The following NIBAN1 variants were observed in gnomAD, a reference collection of about 807,000 sequenced individuals.
The protein encoded by NIBAN1 is protein Niban 1.
NIBAN1 carries 81 observed loss-of-function variants against 75.1 expected under a neutral mutation model. The ratio of observed to expected loss-of-function variants is 1.08; its 90% CI spans 0.90 to 1.30. The LOEUF is 1.30. Ranked by LOEUF, NIBAN1 falls within the 50% of genes most tolerant of loss-of-function variation. The pLI, the probability that NIBAN1 is intolerant of heterozygous loss-of-function variation, is 0.00. For synonymous variants in NIBAN1, 436 were observed against 424.8 expected (o/e 1.03, Z -0.32); for missense variants, 1,133 against 1,128.1 (o/e 1.00, Z -0.06).
rs376957871 is a variant in NIBAN1, at chr1:184,793,500, G to A, written c.*1477C>T. 1.3e-5 allele frequency: 2 copies of A among 150,520 alleles called. No homozygotes were observed. The highest frequency in any genetic ancestry group is 2.1e-4 in the South Asian group (1 of 4,734). The allele number at this position is 150,520 out of a possible 1,614,324, so 9.3% of individuals were successfully genotyped here. A position where few individuals can be genotyped will look rare whatever the true frequency, so the allele number is the denominator to read the frequency against. On this transcript the variant is annotated 3_prime_UTR_variant, in exon 14 of 14. Coordinates refer to ENST00000367511, the MANE Select transcript of NIBAN1 (RefSeq NM_052966.4). ...GAACCCAGGAGGCGGAGGTTGCAGTGAGCCGAGATCACACCACTGCACTCC... is the reference window on the plus strand; with the variant it reads ...GAACCCAGGAGGCGGAGGTTGCAGTAAGCCGAGATCACACCACTGCACTCC...
chr1:184,812,401 G>A (rs1654407253), intron 9 of NIBAN1, among the ~76,000 whole-genome samples: 1 of 152,210 alleles, frequency 6.6e-6, no homozygotes, highest in Admixed American at 6.5e-5. Flanking sequence ...GCCCCCAGCA[G>A]GATGGTGCAG....
At chr1:184,829,464 C>CTTT (rs34475915) in intron 6 of NIBAN1, among the ~76,000 whole-genome samples, 2 of 129,054 alleles carry the variant, frequency 1.5e-5, no homozygotes, top group African/African-American at 5.9e-5. Flanking sequence ...TACATATATT[C>CTTT]TTTTTTTTTT....
chr1:184,956,923 T>C (rs1363892795), intron 1 of NIBAN1, among the ~76,000 whole-genome samples: 1 of 152,190 alleles, frequency 6.6e-6, no homozygotes, highest in African/African-American at 2.4e-5. Context: ...TTGATGTCTG[T>C]TTCAGCAGTT....
At chr1:184,799,381 T>G (rs1653967462) in intron 12 of NIBAN1, among the ~76,000 whole-genome samples, 1 of 148,350 alleles carries the variant, frequency 6.7e-6, no homozygotes, top group Non-Finnish European at 1.5e-5. Flanking sequence ...CTCATCATTT[T>G]TTATGGCTAC....
chr1:184,944,969 A>G (rs1303238009), intron 1 of NIBAN1, among the ~76,000 whole-genome samples: 1 of 152,236 alleles, frequency 6.6e-6, no homozygotes, highest in African/African-American at 2.4e-5. Flanking sequence ...ACACAGAGGC[A>G]TTCGAAAAAG....
chr1:184,896,108 CT>C (rs1656793866), intron 2 of NIBAN1, among the ~76,000 whole-genome samples: 1 of 152,062 alleles, frequency 6.6e-6, no homozygotes, highest in South Asian at 2.1e-4. Context: ...AATGATAGTT[CT>C]TTTTTAGTTA....
chr1:184,806,173 G>C, intron 10 of NIBAN1, 117 bp from the exon 11 acceptor site: 1 of 706,024 alleles, frequency 1.4e-6, no homozygotes, highest in Non-Finnish European at 2.4e-6. Context: ...CCCCTCGGCT[G>C]CTATTCGGTG....
At chr1:184,886,212 G>A (rs1656520730) in intron 4 of NIBAN1, among the ~76,000 whole-genome samples, 1 of 152,156 alleles carries the variant, frequency 6.6e-6, no homozygotes, top group African/African-American at 2.4e-5. Flanking sequence ...AGAGTTAGGT[G>A]CTTCCTACCC....
intron 1 of NIBAN1, among the ~76,000 whole-genome samples, chr1:184,919,471 G>A (rs1321327674): frequency 6.6e-6 from 1 of 152,180 alleles, no homozygotes; most frequent in Non-Finnish European, 1.5e-5. Context: ...AAAATACTTG[G>A]TTGGCTTAAT....
intron 5 of NIBAN1, among the ~76,000 whole-genome samples, chr1:184,843,162 CAACTAG>C (rs763383827): frequency 2.1e-4 from 32 of 152,326 alleles, no homozygotes; most frequent in Non-Finnish European, 4.0e-4. Context: ...CCATTCCAAA[CAACTAG>C]AACTCTACCC....
At chr1:184,932,278 AT>A (rs1218667022) in intron 1 of NIBAN1, among the ~76,000 whole-genome samples, 2 of 152,150 alleles carry the variant, frequency 1.3e-5, no homozygotes, top group African/African-American at 4.8e-5. Context: ...TAATGAAGTA[AT>A]TTTGCAACTC....
At chr1:184,808,644 AG>A (rs34997860) in intron 9 of NIBAN1, among the ~76,000 whole-genome samples, 1 of 152,178 alleles carries the variant, frequency 6.6e-6, no homozygotes, top group East Asian at 1.9e-4. Context: ...AAAAAACGCC[AG>A]GGAGGTCAGG....
At chr1:184,805,384 C>T (rs979319597) in intron 11 of NIBAN1, among the ~76,000 whole-genome samples, 1 of 152,180 alleles carries the variant, frequency 6.6e-6, no homozygotes, top group Admixed American at 6.5e-5. Flanking sequence ...AGTTAATGCA[C>T]AAGTTCTTGT....
chr1:184,824,914 T>C (rs1347103152), intron 6 of NIBAN1, among the ~76,000 whole-genome samples: 1 of 152,198 alleles, frequency 6.6e-6, no homozygotes, highest in Non-Finnish European at 1.5e-5. Context: ...TTGACACACA[T>C]AGCTACCTTG....
intron 1 of NIBAN1, among the ~76,000 whole-genome samples, chr1:184,946,651 G>C (rs747085133): frequency 1.3e-5 from 2 of 152,116 alleles, no homozygotes; most frequent in African/African-American, 2.4e-5. Context: ...CAAATTTATT[G>C]GAGAAATAAT....
chr1:184,927,258 T>C (rs1209555182), intron 1 of NIBAN1, among the ~76,000 whole-genome samples: 1 of 152,168 alleles, frequency 6.6e-6, no homozygotes, highest in Non-Finnish European at 1.5e-5. Flanking sequence ...TAGGTATTTA[T>C]TGTCATGTTC....
In NIBAN1 at chr1:184,823,150, G is replaced by A. The variant is rs1485303468; in HGVS notation, c.985+17C>T. 6.2e-7 allele frequency: 1 copy of A among 1,612,552 alleles called. No individual in the cohort carries two copies. Among genetic ancestry groups the A allele is most frequent in the Non-Finnish European group, 8.5e-7 (1 of 1,178,978 alleles). ...CAGCTTATTTAATTAGTAAGAGCAT[G>A]GATTATCTCTACTGACCTTTGATCT... On this transcript the variant is annotated intron_variant, in intron 8 of 13. Transcript: ENST00000367511.
chr1:184,794,936 T>C lies in NIBAN1; in HGVS notation c.*41A>G. 1.2e-6 allele frequency: 2 copies of C among 1,602,356 alleles called. No homozygotes were observed. Among genetic ancestry groups the C allele is most frequent in the Non-Finnish European group, 8.5e-7 (1 of 1,179,976 alleles). On this transcript the variant is annotated 3_prime_UTR_variant, in exon 14 of 14. Transcript: ENST00000367511. Reference sequence around the variant, plus strand: ...CCCCTAAGTGTACCCCTATAACCCTTTGGCTTTTTTCAGAGAAAGACTTCA... The same window carrying C: ...CCCCTAAGTGTACCCCTATAACCCTCTGGCTTTTTTCAGAGAAAGACTTCA...
intron 4 of NIBAN1, among the ~76,000 whole-genome samples, chr1:184,886,131 C>T (rs190246616): frequency 5.9e-5 from 9 of 152,270 alleles, no homozygotes; most frequent in Non-Finnish European, 1.0e-4. Flanking sequence ...TCTCATTCAT[C>T]CTTCAAAAGT....
Sources: gnomAD v4.1 joint callset for allele counts (sites outside exome capture counted in the v4.1 genomes callset) on GRCh38, gnomAD v4.1.1 for gene constraint, MANE v1.5 for transcripts, NCBI Gene and HGNC (gene_info 2026-07-23, HGNC 2026-07-21) for gene names.